The following MCC variants were observed in gnomAD, a reference collection of about 807,000 sequenced individuals.
MCC encodes colorectal mutant cancer protein.
In MCC, 90 loss-of-function variants were observed where a neutral mutation model predicts 116.2. That is an observed-to-expected ratio of 0.77 (90% CI 0.65 to 0.92). The LOEUF (loss-of-function observed/expected upper bound fraction) is 0.92. Ranked by LOEUF, MCC falls within the 40% of genes least tolerant of loss-of-function variation. MCC has a pLI of 0.00. For synonymous variants in MCC, 578 were observed against 510.5 expected, an observed-to-expected ratio of 1.13 and a Z score of -1.78; for missense variants, 1,516 against 1,312.2, an observed-to-expected ratio of 1.16 and a Z score of -2.40.
At chr5:113,137,440 C>G (rs916243034) in intron 5 of MCC, among the ~76,000 whole-genome samples, 1 of 152,128 alleles carries the variant, frequency 6.6e-6, no homozygotes, top group Non-Finnish European at 1.5e-5. Context: ...TTTCTGTCAT[C>G]TACTGAAATC....
At chr5:113,364,714 T>A (rs1264569693) in intron 2 of MCC, among the ~76,000 whole-genome samples, 1 of 152,210 alleles carries the variant, frequency 6.6e-6, no homozygotes, top group African/African-American at 2.4e-5. Flanking sequence ...CCATACATCC[T>A]TTGAAATCTA....
At chr5:113,169,618 A>T (rs1760967161) in intron 3 of MCC, among the ~76,000 whole-genome samples, 1 of 151,980 alleles carries the variant, frequency 6.6e-6, no homozygotes, top group African/African-American at 2.4e-5. Context: ...GTACAAATTC[A>T]GAAGCTCTAT....
intron 3 of MCC, among the ~76,000 whole-genome samples, chr5:113,250,124 T>A (rs540479825): frequency 6.6e-6 from 1 of 152,130 alleles, no homozygotes; most frequent in African/African-American, 2.4e-5. Flanking sequence ...GTGTCTGAGG[T>A]GTACTGCAAA....
chr5:113,106,848 G>A (rs553185814), intron 6 of MCC, among the ~76,000 whole-genome samples: 1 of 152,278 alleles, frequency 6.6e-6, no homozygotes, highest in African/African-American at 2.4e-5. Flanking sequence ...ACCATGCCTG[G>A]CCAACCAAAT....
intron 1 of MCC, among the ~76,000 whole-genome samples, chr5:113,422,268 A>G (rs995909648): frequency 3.0e-5 from 4 of 133,054 alleles, no homozygotes; most frequent in African/African-American, 1.4e-4. Flanking sequence ...CCACACCATG[A>G]TACAGTATTC....
chr5:113,424,309 T>A (rs1232404494), intron 1 of MCC, among the ~76,000 whole-genome samples: 1 of 151,936 alleles, frequency 6.6e-6, no homozygotes, highest in Non-Finnish European at 1.5e-5. Context: ...AAAGAACTCA[T>A]AGGAAACAGA....
intron 3 of MCC, among the ~76,000 whole-genome samples, chr5:113,249,852 C>T (rs1439343508): frequency 6.6e-6 from 1 of 152,200 alleles, no homozygotes; most frequent in Non-Finnish European, 1.5e-5. Context: ...TCACCCTCTA[C>T]CCCCACGCCT....
chr5:113,291,623 G>T (rs1391847252), intron 3 of MCC, among the ~76,000 whole-genome samples: 1 of 152,286 alleles, frequency 6.6e-6, no homozygotes, highest in East Asian at 1.9e-4. Context: ...CAGCATTGAG[G>T]CTCCTGGGCA....
chr5:113,160,277 T>C (rs1230261076), intron 3 of MCC, among the ~76,000 whole-genome samples: 1 of 152,218 alleles, frequency 6.6e-6, no homozygotes, highest in Non-Finnish European at 1.5e-5. Flanking sequence ...GAGAGGTGTC[T>C]GAGACTGACA....
chr5:113,200,781 G>A lies in MCC; in HGVS notation c.628-49359C>T, dbSNP rs541144900. ...ATAGGGGGATTTGAAACCAGATGGT[G>A]CCCAGGTGGCTACCTAGGTGAGGCC... On this transcript the variant is annotated intron_variant, in intron 3 of 18. Transcript: ENST00000408903. Among the ~76,000 whole-genome samples, 6 of 152,248 alleles carry A rather than the reference G, an allele frequency of 3.9e-5. No individual in the cohort carries two copies. The South Asian group carries it at 6.2e-4, about 16-fold the overall frequency.
chr5:113,334,359 C>G lies in MCC; in HGVS notation c.627+6160G>C, dbSNP rs374532700. Among the ~76,000 whole-genome samples the G allele has an allele frequency of 1.3e-3, 190 of 150,856 alleles. 11 individuals carry two copies. Among genetic ancestry groups the G allele is most frequent in the African/African-American group, 3.8e-3 (155 of 40,598 alleles). ...AGTAGCTGGGACCACAGATATGTGC[C>G]ACCACGCCCAGCTAATATTTGTATT... On this transcript the variant is annotated intron_variant, in intron 3 of 18. Transcript: ENST00000408903.
chr5:113,064,237 C>G (rs10477486), intron 13 of MCC, 70 bp from the exon 14 acceptor site: 507,436 of 1,397,866 alleles, frequency 0.36, 92,988 homozygotes, highest in South Asian at 0.38. Flanking sequence ...AGGGACTATG[C>G]ATAATTAACT....
intron 3 of MCC, among the ~76,000 whole-genome samples, chr5:113,210,549 A>T (rs1286238554): frequency 6.6e-6 from 1 of 152,204 alleles, no homozygotes; most frequent in African/African-American, 2.4e-5. Context: ...GGTCAAGTAC[A>T]GGTGTGATGA....
At chr5:113,198,003 G>C (rs1762496331) in intron 3 of MCC, among the ~76,000 whole-genome samples, 1 of 152,242 alleles carries the variant, frequency 6.6e-6, no homozygotes, top group Admixed American at 6.5e-5. Context: ...GAATGGTGCA[G>C]ATTAGAAAGG....
chr5:113,205,797 A>G (rs1315032321), intron 3 of MCC, among the ~76,000 whole-genome samples: 2 of 152,220 alleles, frequency 1.3e-5, no homozygotes, highest in African/African-American at 4.8e-5. Flanking sequence ...TGGCATGGGT[A>G]GATAGAGCAT....
In MCC at chr5:113,398,737, A is replaced by G. The variant is rs138558223; in HGVS notation, c.171-13525T>C. On this transcript the variant is annotated intron_variant, in intron 1 of 18. Transcript: ENST00000408903. Reference sequence around the variant, plus strand: ...AAAATTATTGGGTACTATGTTCACTATCTGGGTCATGGGTTCAATTGTATC... The same window carrying G: ...AAAATTATTGGGTACTATGTTCACTGTCTGGGTCATGGGTTCAATTGTATC... 6.1e-3 allele frequency among the ~76,000 whole-genome samples: 925 copies of G among 152,362 alleles called. 6 individuals carry two copies. Among genetic ancestry groups the G allele is most frequent in the Middle Eastern group, 0.01 (3 of 294 alleles).
At chr5:113,258,898 A>T (rs1334756962) in intron 3 of MCC, among the ~76,000 whole-genome samples, 1 of 152,260 alleles carries the variant, frequency 6.6e-6, no homozygotes, top group Non-Finnish European at 1.5e-5. Flanking sequence ...AAATCTTTTA[A>T]AGTAATTTTA....
chr5:113,093,852 G>T (rs1165251429), intron 8 of MCC, among the ~76,000 whole-genome samples: 1 of 152,156 alleles, frequency 6.6e-6, no homozygotes, highest in Non-Finnish European at 1.5e-5. Flanking sequence ...GAAAGAGCCT[G>T]TTCTGCTGAT....
intron 8 of MCC, among the ~76,000 whole-genome samples, chr5:113,100,635 C>G (rs1455721772): frequency 1.3e-5 from 2 of 152,048 alleles, no homozygotes; most frequent in African/African-American, 2.4e-5. Context: ...CCATGTCTGG[C>G]TAATTTTTGT....
Sources: allele counts gnomAD v4.1 joint callset (sites outside exome capture counted in the v4.1 genomes callset), GRCh38; gene constraint gnomAD v4.1.1; transcripts MANE v1.5; gene names NCBI Gene and HGNC (gene_info 2026-07-23, HGNC 2026-07-21).